GRIN2A: variants seen among roughly 807,000 people sequenced by gnomAD.
GRIN2A encodes glutamate receptor ionotropic, NMDA 2A.
Under a neutral mutation model 113.4 loss-of-function variants are expected in GRIN2A, and 22 were observed. The ratio of observed to expected loss-of-function variants is 0.19; its 90% CI spans 0.14 to 0.28. GRIN2A has a LOEUF of 0.28. GRIN2A is among the 10% of genes least tolerant of loss of function. The probability of loss-of-function intolerance (pLI) is 1.00; values close to 1 mark genes in which losing one functional copy is unlikely to be tolerated. For synonymous variants in GRIN2A, 827 were observed against 738.4 expected (o/e 1.12, Z -1.94); for missense variants, 1,502 against 1,887.0 (o/e 0.80, Z 3.78).
chr16:10,170,022 A>T (rs924948828), intron 2 of GRIN2A, among the ~76,000 whole-genome samples: 46 of 152,222 alleles, frequency 3.0e-4, no homozygotes, highest in African/African-American at 1.0e-3. Context: ...TACTCACAGA[A>T]ACCATATCAT....
chr16:9,796,948 A>G (rs1305472328), intron 11 of GRIN2A, among the ~76,000 whole-genome samples: 1 of 152,264 alleles, frequency 6.6e-6, no homozygotes, highest in Non-Finnish European at 1.5e-5. Context: ...GAGAATTCAA[A>G]GACTCACATG....
In GRIN2A at chr16:9,763,375, G is replaced by A. The variant is rs377337296; in HGVS notation, c.4169C>T (p.Ser1390Leu). 7 of 1,614,062 alleles carry A rather than the reference G, an allele frequency of 4.3e-6. No individual in the cohort carries two copies. Among genetic ancestry groups the A allele is most frequent in the African/African-American group, 2.7e-5 (2 of 74,928 alleles). The change falls in exon 13 of 13, where the codon TCG becomes TTG. Residue 1390 changes from serine to leucine, a missense_variant. Physicochemically the swap from Ser to Leu is moderately radical, Grantham distance 145. Transcript: ENST00000330684. The stretch of plus-strand genomic sequence containing the variant: ...GTCATTCACCGCCTGGGATGGCAAC[G>A]AGTGTTTGTAAGGGTCCGAGGGGCA... Reference protein sequence around the residue: ...GRCPSDPYKHSLPSQAVNDSY... With the variant: ...GRCPSDPYKHLLPSQAVNDSY...
intron 2 of GRIN2A, among the ~76,000 whole-genome samples, chr16:10,169,269 G>A (rs1055695585): frequency 6.6e-6 from 1 of 152,056 alleles, no homozygotes; most frequent in Admixed American, 6.6e-5. Flanking sequence ...ATCACTCCTC[G>A]GAACTAAGTG....
At chr16:10,073,202 T>C (rs7197678) in intron 2 of GRIN2A, among the ~76,000 whole-genome samples, 117,987 of 151,936 alleles carry the variant, frequency 0.78, 46,083 homozygotes, top group East Asian at 0.96. Flanking sequence ...ATGATTCACT[T>C]GCCTTGGCCT....
intron 2 of GRIN2A, among the ~76,000 whole-genome samples, chr16:9,973,681 T>C (rs1423269525): frequency 3.3e-5 from 5 of 151,936 alleles, no homozygotes; most frequent in Non-Finnish European, 7.4e-5. Context: ...AAGAGAAAAA[T>C]AGCACATTAT....
chr16:10,153,934 C>T (rs1166275965), intron 2 of GRIN2A, among the ~76,000 whole-genome samples: 12 of 152,242 alleles, frequency 7.9e-5, no homozygotes, highest in Admixed American at 7.8e-4. Flanking sequence ...CTCCACCCTC[C>T]TCCCACGTAT....
At chr16:10,123,708 A>G (rs941511886) in intron 2 of GRIN2A, among the ~76,000 whole-genome samples, 6 of 152,176 alleles carry the variant, frequency 3.9e-5, no homozygotes, top group African/African-American at 1.4e-4. Flanking sequence ...CTGCTGGTGC[A>G]TGGACCACAC....
chr16:10,007,644 G>C lies in GRIN2A; in HGVS notation c.415-69093C>G, dbSNP rs555436746. Among the ~76,000 whole-genome samples, 4 of 151,932 alleles carry C rather than the reference G, an allele frequency of 2.6e-5. No homozygotes were observed. The East Asian group carries it at 7.7e-4, about 29-fold the overall frequency. ...TTTTTAACCTGATGTGATCCCATTT[G>C]CCCATTTTGCTTTGGTTGCCTGTGC... On this transcript the variant is annotated intron_variant, in intron 2 of 12. Coordinates refer to ENST00000330684, the MANE Select transcript of GRIN2A (RefSeq NM_001134407.3).
At chr16:9,848,035 G>T (rs1470936730) in intron 5 of GRIN2A, among the ~76,000 whole-genome samples, 3 of 144,936 alleles carry the variant, frequency 2.1e-5, no homozygotes, top group Non-Finnish European at 4.5e-5. Context: ...ATATGAAAAT[G>T]TTTTATATAT....
At chr16:10,059,432 G>A (rs1256883808) in intron 2 of GRIN2A, among the ~76,000 whole-genome samples, 1 of 152,092 alleles carries the variant, frequency 6.6e-6, no homozygotes, top group African/African-American at 2.4e-5. Context: ...GGCATCTACG[G>A]GTACAGAATT....
intron 2 of GRIN2A, among the ~76,000 whole-genome samples, chr16:10,053,825 T>A (rs962262202): frequency 1.3e-5 from 2 of 152,058 alleles, no homozygotes; most frequent in African/African-American, 4.8e-5. Context: ...ATGGATATAT[T>A]TGAATATGGA....
At chr16:10,046,447 A>C (rs2045312614) in intron 2 of GRIN2A, among the ~76,000 whole-genome samples, 1 of 152,062 alleles carries the variant, frequency 6.6e-6, no homozygotes, top group Admixed American at 6.6e-5. Flanking sequence ...TGACGGCATA[A>C]ATTTGAGTTG....
chr16:10,087,532 C>T (rs2048106736), intron 2 of GRIN2A, among the ~76,000 whole-genome samples: 1 of 152,220 alleles, frequency 6.6e-6, no homozygotes, highest in Admixed American at 6.5e-5. Context: ...CAACTAACCT[C>T]ATATAACTGG....
chr16:10,142,605 G>C (rs547784704), intron 2 of GRIN2A, among the ~76,000 whole-genome samples: 1 of 152,320 alleles, frequency 6.6e-6, no homozygotes, highest in Admixed American at 6.5e-5. Context: ...AGGCTGAAGA[G>C]GGAAGATTGC....
chr16:10,048,058 C>T (rs1036267225), intron 2 of GRIN2A, among the ~76,000 whole-genome samples: 1 of 152,130 alleles, frequency 6.6e-6, no homozygotes, highest in Non-Finnish European at 1.5e-5. Flanking sequence ...AAACACTATC[C>T]CTTTACTTTA....
At chr16:10,177,587 A>G (rs1394789671) in intron 2 of GRIN2A, among the ~76,000 whole-genome samples, 1 of 151,980 alleles carries the variant, frequency 6.6e-6, no homozygotes, top group East Asian at 1.9e-4. Flanking sequence ...GTCTTTTCTC[A>G]TCTTCCTCTT....
At chr16:10,157,622 G>A (rs754189065) in intron 2 of GRIN2A, among the ~76,000 whole-genome samples, 4 of 152,150 alleles carry the variant, frequency 2.6e-5, no homozygotes, top group Admixed American at 1.3e-4. Flanking sequence ...GAGCATGCAG[G>A]AAAGACTACC....
At chr16:9,953,705 C>A (rs1253170563) in intron 2 of GRIN2A, among the ~76,000 whole-genome samples, 3 of 152,054 alleles carry the variant, frequency 2.0e-5, no homozygotes, top group Non-Finnish European at 4.4e-5. Flanking sequence ...CCGGGGAATG[C>A]GATAACTTAG....
intron 2 of GRIN2A, among the ~76,000 whole-genome samples, chr16:10,084,614 A>C (rs562043561): frequency 7.2e-5 from 11 of 152,134 alleles, no homozygotes; most frequent in African/African-American, 2.6e-4. Context: ...TCTTACTACC[A>C]TGCCTCTTCT....
Sources: gnomAD v4.1 joint callset for allele counts (sites outside exome capture counted in the v4.1 genomes callset) on GRCh38, gnomAD v4.1.1 for gene constraint, MANE v1.5 for transcripts, NCBI Gene and HGNC (gene_info 2026-07-23, HGNC 2026-07-21) for gene names.